The following SSBP3 variants were observed in gnomAD, a reference collection of about 807,000 sequenced individuals.
The protein encoded by SSBP3 is single-stranded DNA-binding protein 3.
Under a neutral mutation model 69.6 loss-of-function variants are expected in SSBP3, and 5 were observed. The ratio of observed to expected loss-of-function variants is 0.07; its 90% confidence interval spans 0.04 to 0.15. The LOEUF (loss-of-function observed/expected upper bound fraction) is 0.15, where lower values mean the gene tolerates loss of function less well. Among genes scored for constraint, SSBP3 ranks in the 10% least tolerant of loss-of-function variants. SSBP3 has a pLI of 1.00. For synonymous variants in SSBP3, 196 were observed against 193.4 expected, an observed-to-expected ratio of 1.01 and a Z score of -0.11; for missense variants, 312 against 534.0, an observed-to-expected ratio of 0.58 and a Z score of 4.10.
chr1:54,356,541 G>A (rs1014355382), intron 4 of SSBP3: 11 of 152,232 alleles, frequency 7.2e-5, no homozygotes, highest in African/African-American at 2.4e-4. Flanking sequence ...GCCCTTCTGT[G>A]GGAAGCAGAA....
intron 4 of SSBP3, among the ~76,000 whole-genome samples, chr1:54,374,050 T>A (rs561487586): frequency 6.6e-6 from 1 of 152,074 alleles, no homozygotes; most frequent in East Asian, 1.9e-4. Context: ...AAGGACATCA[T>A]GGGAAGAGGT....
intron 5 of SSBP3, among the ~76,000 whole-genome samples, chr1:54,278,317 A>G (rs1289268929): frequency 2.0e-5 from 3 of 148,698 alleles, no homozygotes; most frequent in African/African-American, 4.9e-5. Context: ...GGGGATGCCA[A>G]TATTAGGGCT....
At chr1:54,299,381 C>G (rs1645760528) in intron 4 of SSBP3, among the ~76,000 whole-genome samples, 1 of 152,180 alleles carries the variant, frequency 6.6e-6, no homozygotes, top group South Asian at 2.1e-4. Context: ...CGATGTTCCC[C>G]TACCCTCTGC....
At chr1:54,312,853 A>G (rs998491397) in intron 4 of SSBP3, among the ~76,000 whole-genome samples, 4 of 151,938 alleles carry the variant, frequency 2.6e-5, no homozygotes, top group Non-Finnish European at 4.4e-5. Flanking sequence ...CTCCCCCTCC[A>G]GTGGGGGTTG....
At chr1:54,242,408 T>C (rs967612585) in intron 10 of SSBP3, among the ~76,000 whole-genome samples, 196 bp from the exon 11 acceptor site, 5 of 152,220 alleles carry the variant, frequency 3.3e-5, no homozygotes, top group Admixed American at 6.5e-5. Flanking sequence ...CTTTAAATTA[T>C]AGGTAAACTT....
intron 4 of SSBP3, among the ~76,000 whole-genome samples, chr1:54,328,562 C>A (rs1275427862): frequency 6.6e-6 from 1 of 152,198 alleles, no homozygotes; most frequent in Non-Finnish European, 1.5e-5. Flanking sequence ...TCCATGCTGC[C>A]TTGTCCACCA....
At chr1:54,300,948 A>G (rs893199385) in intron 4 of SSBP3, among the ~76,000 whole-genome samples, 4 of 152,362 alleles carry the variant, frequency 2.6e-5, no homozygotes, top group Admixed American at 6.5e-5. Flanking sequence ...GGCATTTCCA[A>G]CATCCCAAAT....
intron 5 of SSBP3, among the ~76,000 whole-genome samples, chr1:54,263,368 CGGGCCT>C (rs1361589975): frequency 6.6e-6 from 1 of 152,190 alleles, no homozygotes; most frequent in African/African-American, 2.4e-5. Flanking sequence ...CCACATTATG[CGGGCCT>C]GGGATCCAAT....
chr1:54,228,620 C>T (rs1255559925), intron 15 of SSBP3, 128 bp downstream of exon 15: 12 of 1,473,576 alleles, frequency 8.1e-6, no homozygotes, highest in South Asian at 2.6e-5. Flanking sequence ...GCATCCCTCT[C>T]AGGATCGTCC....
At chr1:54,298,060 C>T (rs1645732310) in intron 4 of SSBP3, among the ~76,000 whole-genome samples, 1 of 152,108 alleles carries the variant, frequency 6.6e-6, no homozygotes, top group Non-Finnish European at 1.5e-5. Context: ...AACCAGTCTC[C>T]TAGGAGGCCT....
chr1:54,374,984 CACT>C (rs1451270834), intron 4 of SSBP3, among the ~76,000 whole-genome samples: 1 of 152,212 alleles, frequency 6.6e-6, no homozygotes, highest in African/African-American at 2.4e-5. Context: ...CCCACCCCGT[CACT>C]GTGGGAGTCT....
At chr1:54,402,218 C>T (rs115680640) in intron 3 of SSBP3, among the ~76,000 whole-genome samples, 4 of 152,336 alleles carry the variant, frequency 2.6e-5, no homozygotes, top group Non-Finnish European at 5.9e-5. Context: ...CTACCATATA[C>T]TGTAAGGTAG....
At chr1:54,307,191 G>A (rs1003643028) in intron 4 of SSBP3, among the ~76,000 whole-genome samples, 2 of 152,016 alleles carry the variant, frequency 1.3e-5, no homozygotes, top group Non-Finnish European at 2.9e-5. Flanking sequence ...GGAACCAGCT[G>A]CCCCCAGTTA....
At chr1:54,244,880 C>T (rs905157715) in intron 9 of SSBP3, among the ~76,000 whole-genome samples, 1 of 152,164 alleles carries the variant, frequency 6.6e-6, no homozygotes, top group Non-Finnish European at 1.5e-5. Flanking sequence ...ACCTCCCTCC[C>T]CCGCCACCAT....
At chr1:54,277,070 C>T (rs1478891992) in intron 5 of SSBP3, among the ~76,000 whole-genome samples, 3 of 152,146 alleles carry the variant, frequency 2.0e-5, no homozygotes, top group Non-Finnish European at 4.4e-5. Flanking sequence ...CCATGCCTTG[C>T]ATATCAGAGA....
chr1:54,302,306 ACT>A (rs1645817001), intron 4 of SSBP3, among the ~76,000 whole-genome samples: 1 of 146,158 alleles, frequency 6.8e-6, no homozygotes, highest in Non-Finnish European at 1.5e-5. Context: ...GTAGCTCACG[ACT>A]CTGAGCATAA....
intron 4 of SSBP3, among the ~76,000 whole-genome samples, chr1:54,358,302 C>T (rs574873846): frequency 6.6e-6 from 1 of 152,246 alleles, no homozygotes; most frequent in South Asian, 2.1e-4. Context: ...GTGCAACAGA[C>T]CCTCAGTATT....
chr1:54,294,905 C>T (rs1645677949), intron 4 of SSBP3, among the ~76,000 whole-genome samples: 1 of 152,082 alleles, frequency 6.6e-6, no homozygotes. Flanking sequence ...GGGTACCACC[C>T]TGCGATACCT....
rs79126296 is a variant in SSBP3 at position 54,277,376 on chromosome 1, G to A, written c.366+4062C>T. Among the ~76,000 whole-genome samples, 717 of 152,072 alleles carry A rather than the reference G, an allele frequency of 4.7e-3. 4 individuals carry two copies. The highest frequency in any genetic ancestry group is 0.016 in the African/African-American group (682 of 41,482). On this transcript the variant is annotated intron_variant, in intron 5 of 17. Transcript: ENST00000610401. ...AGTTATGGTTTCTCTATCTCCTTTC[G>A]GTCTCTCCCTCCTTTTATCTAATTC... is the stretch of plus-strand genomic sequence containing the variant.
Sources: allele counts gnomAD v4.1 joint callset (sites outside exome capture counted in the v4.1 genomes callset), GRCh38; gene constraint gnomAD v4.1.1; transcripts MANE v1.5; gene names NCBI Gene and HGNC (gene_info 2026-07-23, HGNC 2026-07-21).